CAPN8: variants seen among roughly 807,000 people sequenced by gnomAD.
CAPN8 encodes calpain 8.
Under a neutral mutation model 80.9 loss-of-function variants are expected in CAPN8, and 87 were observed. That is an observed-to-expected ratio of 1.07 (90% CI 0.90 to 1.28). The LOEUF is 1.28. Ranked by LOEUF, CAPN8 falls within the 50% of genes most tolerant of loss-of-function variation. CAPN8 has a pLI of 0.00. For missense variants in CAPN8, 757 were observed against 702.0 expected (o/e 1.08, Z -0.89); for synonymous variants, 299 against 273.8 (o/e 1.09, Z -0.91).
chr1:223,648,224 C>T (rs1173952829), intron 2 of CAPN8, among the ~76,000 whole-genome samples: 3 of 152,160 alleles, frequency 2.0e-5, no homozygotes, highest in East Asian at 1.9e-4. Context: ...GCCGATGCGC[C>T]GCGGAGTAGA....
Position 223,541,748 on chromosome 1 carries a change from G to A in CAPN8, c.*88C>T. On this transcript the variant is annotated 3_prime_UTR_variant, in exon 21 of 21. Transcript: ENST00000366872. The stretch of plus-strand genomic sequence containing the variant: ...TATGAACAACCAGTGAATGCCACTG[G>A]AGCATAAATGTTCACAAAATTGTAG... 1 of 1,544,226 alleles carries A rather than the reference G, an allele frequency of 6.5e-7. No individual in the cohort carries two copies. Among genetic ancestry groups the A allele is most frequent in the Non-Finnish European group, 8.8e-7 (1 of 1,140,792 alleles).
chr1:223,646,574 C>A lies in CAPN8; in HGVS notation c.307+7756G>T, dbSNP rs887796294. Among the ~76,000 whole-genome samples, 3 of 152,236 alleles carry A rather than the reference C, an allele frequency of 2.0e-5. 1 individual carries two copies. The highest frequency in any genetic ancestry group is 6.5e-5 in the Admixed American group (1 of 15,288). ...CTCCCTTGAGCCTTGGGGACTGGGA[C>A]ATTGCATTACTGATGCTTGAGCAAC... On this transcript the variant is annotated intron_variant, in intron 2 of 20. Coordinates refer to ENST00000366872, the MANE Select transcript of CAPN8 (RefSeq NM_001143962.2).
chr1:223,557,402 A>T (rs1656929208), intron 13 of CAPN8, among the ~76,000 whole-genome samples: 1 of 141,032 alleles, frequency 7.1e-6, no homozygotes, highest in African/African-American at 2.6e-5. Context: ...GAGGGGTAGA[A>T]GCTGGGCCTG....
chr1:223,547,104 G>A (rs1213092326), intron 16 of CAPN8, among the ~76,000 whole-genome samples: 1 of 152,148 alleles, frequency 6.6e-6, no homozygotes, highest in African/African-American at 2.4e-5. Flanking sequence ...AGTAGAGACA[G>A]GATTTCACTG....
At chr1:223,634,832 G>A (rs904010013) in intron 2 of CAPN8, among the ~76,000 whole-genome samples, 1 of 152,200 alleles carries the variant, frequency 6.6e-6, no homozygotes, top group Non-Finnish European at 1.5e-5. Flanking sequence ...TGTTAGGATT[G>A]CAAGATATGA....
rs190308528 is a variant in CAPN8, at chr1:223,628,321, A to T, written c.427-179T>A. On this transcript the variant is annotated intron_variant, in intron 3 of 20. Transcript: ENST00000366872. ...GGAGATGCCAGATGAACCCGGGAAC[A>T]TCTAGTCCAGGGTCTGCGTTTGTGC... 6.2e-4 allele frequency among the ~76,000 whole-genome samples: 95 copies of T among 152,266 alleles called. No individual in the cohort carries two copies. The East Asian group carries it at 0.015, about 24-fold the overall frequency.
In CAPN8 at chr1:223,544,138, T is replaced by C. The variant is rs756868707; in HGVS notation, c.1958A>G (p.Tyr653Cys). Residue 653 changes from tyrosine to cysteine, a missense_variant, in exon 19 of 21, where the codon TAT (tyrosine) becomes TGT (cysteine). Coordinates refer to ENST00000366872, the MANE Select transcript of CAPN8 (RefSeq NM_001143962.2). ...SQVQQTIALR[Y>C]ACSKLGINFD... is the part of the protein sequence containing the mutation. ...GTTGATGCCAAGCTTGCTGCACGCA[T>C]ACCGCAGGGCAATGGTCTGCTGCAC... The C allele has an allele frequency of 1.0e-4, 73 of 718,240 alleles. 3 individuals are homozygous for C. Among genetic ancestry groups the C allele is most frequent in the East Asian group, 1.3e-4 (5 of 37,304 alleles). 44.5% of individuals were successfully genotyped at this position (718,240 alleles called of 1,614,324 possible). A position where few individuals can be genotyped will look rare whatever the true frequency, so the allele number is the denominator to read the frequency against.
At chr1:223,664,699 A>T (rs1363013258) in intron 1 of CAPN8, among the ~76,000 whole-genome samples, 1 of 152,184 alleles carries the variant, frequency 6.6e-6, no homozygotes, top group African/African-American at 2.4e-5. Flanking sequence ...ACACTTTGGG[A>T]GGCTGAGGTG....
chr1:223,648,251 G>T (rs557697985), intron 2 of CAPN8, among the ~76,000 whole-genome samples: 1 of 152,354 alleles, frequency 6.6e-6, no homozygotes, highest in South Asian at 2.1e-4. Flanking sequence ...ACCACGGGTA[G>T]CAAAGTGAAC....
rs559218558 is a variant in CAPN8, at chr1:223,615,963, G to A, written c.1311+7C>T. 6.4e-7 allele frequency: 1 copy of A among 1,552,160 alleles called. No individual in the cohort carries two copies. The highest frequency in any genetic ancestry group is 8.7e-7 in the Non-Finnish European group (1 of 1,147,076). On this transcript the variant is annotated splice_region_variant and intron_variant, in intron 10 of 20. Coordinates refer to ENST00000366872, the MANE Select transcript of CAPN8 (RefSeq NM_001143962.2). Reference sequence around the variant, plus strand: ...TATAATGAAGGACAAACCCAGCACAGCAGTACCTGGTAGACGGCATAGCCG... The same window carrying A: ...TATAATGAAGGACAAACCCAGCACAACAGTACCTGGTAGACGGCATAGCCG...
In CAPN8 at chr1:223,549,309, A is replaced by C; in HGVS notation, c.1764+9T>G. The C allele has an allele frequency of 6.4e-7, 1 of 1,550,752 alleles. No homozygotes were observed. The highest frequency in any genetic ancestry group is 8.7e-7 in the Non-Finnish European group (1 of 1,146,652). ...AAAAAAAAAAAATAATGCAACATTT[A>C]AAGGATACATCCAACAGACTGATCA... On this transcript the variant is annotated intron_variant, in intron 16 of 20. Coordinates refer to ENST00000366872, the MANE Select transcript of CAPN8 (RefSeq NM_001143962.2).
chr1:223,646,991 G>T (rs1363800667), intron 2 of CAPN8, among the ~76,000 whole-genome samples: 1 of 152,206 alleles, frequency 6.6e-6, no homozygotes, highest in Non-Finnish European at 1.5e-5. Context: ...AGCTCAGAGA[G>T]CACCCCCTGG....
At chr1:223,614,404 A>G (rs1419326871) in intron 10 of CAPN8, among the ~76,000 whole-genome samples, 1 of 151,916 alleles carries the variant, frequency 6.6e-6, no homozygotes, top group Non-Finnish European at 1.5e-5. Flanking sequence ...CGTCTCAAAA[A>G]AAAAAAAAAG....
intron 14 of CAPN8, among the ~76,000 whole-genome samples, chr1:223,553,088 G>A (rs988682063): frequency 2.4e-4 from 32 of 132,398 alleles, no homozygotes; most frequent in South Asian, 9.7e-4. Context: ...CCGGGGTGGT[G>A]GGGGGAGACC....
intron 7 of CAPN8, 124 bp downstream of exon 7, chr1:223,622,691 G>A: frequency 1.3e-6 from 1 of 761,328 alleles, no homozygotes; most frequent in Non-Finnish European, 2.3e-6. Context: ...TGAACACACT[G>A]TGTGATCTGC....
chr1:223,637,041 C>T (rs77551044), intron 2 of CAPN8, among the ~76,000 whole-genome samples: 1,530 of 152,324 alleles, frequency 0.01, 13 homozygotes, highest in African/African-American at 0.033. Flanking sequence ...AGTAGAGCCT[C>T]ATCTCCCCGA....
At chr1:223,609,413 T>C (rs1225824841) in intron 11 of CAPN8, 49 bp from the exon 12 acceptor site, 1 of 398,454 alleles carries the variant, frequency 2.5e-6, no homozygotes, top group Non-Finnish European at 4.4e-6. Flanking sequence ...TCCTGGAAGA[T>C]GAGAGCCCAA....
At chr1:223,644,191 T>A in intron 2 of CAPN8, 1 of 373,960 alleles carries the variant, frequency 2.7e-6, no homozygotes, top group Non-Finnish European at 5.2e-6. Flanking sequence ...TGTTTTAGAA[T>A]AAATCTCTTC....
intron 2 of CAPN8, among the ~76,000 whole-genome samples, chr1:223,644,734 T>A (rs979975134): frequency 6.6e-6 from 1 of 152,156 alleles, no homozygotes; most frequent in African/African-American, 2.4e-5. Flanking sequence ...AGCTAGGTGA[T>A]GGCTTCCTCC....
Sources: gnomAD v4.1 joint callset for allele counts (sites outside exome capture counted in the v4.1 genomes callset) on GRCh38, gnomAD v4.1.1 for gene constraint, MANE v1.5 for transcripts, NCBI Gene and HGNC (gene_info 2026-07-23, HGNC 2026-07-21) for gene names.